The following FYN variants were observed in gnomAD, a reference collection of about 807,000 sequenced individuals.
FYN encodes FYN proto-oncogene, Src family tyrosine kinase, also known as tyrosine-protein kinase Fyn.
In FYN, 10 loss-of-function variants were observed where a neutral mutation model predicts 70.2. The ratio of observed to expected loss-of-function variants is 0.14; its 90% CI spans 0.09 to 0.24. The LOEUF is 0.24. FYN is among the 10% of genes least tolerant of loss of function. The pLI is 1.00. For missense variants in FYN, 319 were observed against 673.1 expected (o/e 0.47, Z 5.82); for synonymous variants, 236 against 248.6 (o/e 0.95, Z 0.48).
At chr6:111,677,492 A>AT (rs1798584188) in intron 12 of FYN, among the ~76,000 whole-genome samples, 1 of 152,152 alleles carries the variant, frequency 6.6e-6, no homozygotes, top group African/African-American at 2.4e-5. Flanking sequence ...TTAACTGGGG[A>AT]TTTTTGGCAG....
intron 9 of FYN, 28 bp downstream of exon 9, chr6:111,700,076 A>T: frequency 6.2e-7 from 1 of 1,608,640 alleles, no homozygotes; most frequent in Non-Finnish European, 8.5e-7. Flanking sequence ...GGGGAAGCTA[A>T]TAAGAGAGTA....
intron 9 of FYN, among the ~76,000 whole-genome samples, chr6:111,698,205 C>T (rs1799661996): frequency 6.6e-6 from 1 of 152,042 alleles, no homozygotes; most frequent in African/African-American, 2.4e-5. Context: ...GCGATCTCCG[C>T]TCACCGCAAC....
intron 12 of FYN, among the ~76,000 whole-genome samples, chr6:111,680,761 A>T (rs544250315): frequency 1.3e-5 from 2 of 152,362 alleles, no homozygotes; most frequent in African/African-American, 4.8e-5. Context: ...CACTTCTCAC[A>T]TGTGAATAAT....
intron 5 of FYN, among the ~76,000 whole-genome samples, chr6:111,711,719 G>C (rs2128454829): frequency 6.6e-6 from 1 of 152,384 alleles, no homozygotes; most frequent in South Asian, 2.1e-4. Context: ...ACCAGAGCCA[G>C]AGGCGGGAGA....
At chr6:111,768,550 G>A (rs1315074284) in intron 3 of FYN, among the ~76,000 whole-genome samples, 1 of 152,212 alleles carries the variant, frequency 6.6e-6, no homozygotes, top group Non-Finnish European at 1.5e-5. Context: ...ACACTTGCCA[G>A]GGCCCTGTTC....
intron 4 of FYN, among the ~76,000 whole-genome samples, chr6:111,716,977 G>C (rs1583352916): frequency 6.6e-6 from 1 of 151,922 alleles, no homozygotes; most frequent in East Asian, 1.9e-4. Context: ...GTAGAGACGG[G>C]GTTTCACCAT....
chr6:111,855,685 G>A (rs72944228), intron 1 of FYN, among the ~76,000 whole-genome samples: 11,494 of 152,130 alleles, frequency 0.076, 563 homozygotes, highest in African/African-American at 0.14. Flanking sequence ...GTGCCATAAC[G>A]GTATCATAGA....
At chr6:111,866,099 T>TAC (rs1774096227) in intron 1 of FYN, among the ~76,000 whole-genome samples, 1 of 152,230 alleles carries the variant, frequency 6.6e-6, no homozygotes, top group African/African-American at 2.4e-5. Flanking sequence ...TATATACACA[T>TAC]ACACACATAC....
At chr6:111,719,692 C>T in intron 4 of FYN, 113 bp downstream of exon 4, 4 of 1,227,448 alleles carry the variant, frequency 3.3e-6, no homozygotes, top group Non-Finnish European at 4.6e-6. Context: ...AGATTAGAAA[C>T]TTACATGTGA....
intron 1 of FYN, among the ~76,000 whole-genome samples, chr6:111,867,087 C>T (rs1227569400): frequency 6.6e-6 from 1 of 152,206 alleles, no homozygotes; most frequent in Non-Finnish European, 1.5e-5. Context: ...GCCCTTTCTG[C>T]TCTTTCTACT....
chr6:111,780,889 T>C (rs950356434), intron 2 of FYN, among the ~76,000 whole-genome samples: 3 of 152,200 alleles, frequency 2.0e-5, no homozygotes, highest in Non-Finnish European at 4.4e-5. Flanking sequence ...CTTATAAATA[T>C]CTGAATGTTT....
At chr6:111,696,978 C>A (rs1297412265) in intron 9 of FYN, among the ~76,000 whole-genome samples, 1 of 152,184 alleles carries the variant, frequency 6.6e-6, no homozygotes, top group Admixed American at 6.5e-5. Context: ...TGAGTCCTTG[C>A]ACAGGTGTGC....
chr6:111,845,342 C>A (rs183769335), intron 2 of FYN, among the ~76,000 whole-genome samples: 4 of 152,356 alleles, frequency 2.6e-5, no homozygotes, highest in African/African-American at 9.6e-5. Context: ...GCTTCCACAG[C>A]CAAAACCTGA....
chr6:111,807,349 G>C (rs1387588850), intron 2 of FYN, among the ~76,000 whole-genome samples: 1 of 152,198 alleles, frequency 6.6e-6, no homozygotes, highest in Non-Finnish European at 1.5e-5. Flanking sequence ...CAGTGAGCCA[G>C]GGAAGTCTGG....
rs969738331 is a variant in FYN at position 111,782,361 on chromosome 6, G to T, written c.-81-1726C>A. ...CATCAGGACTGCTGAGTCCATCCAC[G>T]GGTAATGGTGCAATCTGCTTGTCCT... On this transcript the variant is annotated intron_variant, in intron 2 of 13. Transcript: ENST00000354650. Among the ~76,000 whole-genome samples the T allele has an allele frequency of 2.0e-5, 3 of 152,196 alleles. No homozygotes were observed. The South Asian group carries it at 6.2e-4, about 32-fold the overall frequency.
intron 3 of FYN, among the ~76,000 whole-genome samples, chr6:111,749,985 C>G (rs1475734328): frequency 6.6e-6 from 1 of 152,064 alleles, no homozygotes; most frequent in East Asian, 1.9e-4. Context: ...TAGAATTTCC[C>G]TGTTACATCC....
intron 3 of FYN, among the ~76,000 whole-genome samples, chr6:111,775,311 G>A (rs1421986772): frequency 2.0e-5 from 3 of 152,224 alleles, no homozygotes; most frequent in African/African-American, 7.2e-5. Context: ...TTGGGTGATT[G>A]TAGCAGAGGA....
At chr6:111,848,987 C>T (rs939601694) in intron 1 of FYN, among the ~76,000 whole-genome samples, 67 of 152,154 alleles carry the variant, frequency 4.4e-4, no homozygotes, top group African/African-American at 5.1e-4. Context: ...GCTTCTCCCA[C>T]GCCCACCCCC....
intron 1 of FYN, among the ~76,000 whole-genome samples, chr6:111,865,289 C>T (rs1218691950): frequency 2.6e-5 from 4 of 152,154 alleles, no homozygotes; most frequent in Non-Finnish European, 4.4e-5. Context: ...AAGAAGGAGA[C>T]CCAAGTCAGG....
Sources: allele counts gnomAD v4.1 joint callset (sites outside exome capture counted in the v4.1 genomes callset), GRCh38; gene constraint gnomAD v4.1.1; transcripts MANE v1.5; gene names NCBI Gene and HGNC (gene_info 2026-07-23, HGNC 2026-07-21).